The following ANKS1B variants were observed in gnomAD, a reference collection of about 807,000 sequenced individuals.
ANKS1B encodes ankyrin repeat and sterile alpha motif domain-containing protein 1B.
In ANKS1B, 36 loss-of-function variants were observed where a neutral mutation model predicts 148.3. That is an observed-to-expected ratio of 0.24 (90% CI 0.19 to 0.32). The LOEUF (loss-of-function observed/expected upper bound fraction) is 0.32. ANKS1B is among the 10% of genes least tolerant of loss of function. ANKS1B has a pLI of 1.00. For missense variants in ANKS1B, 1,157 were observed against 1,542.6 expected (o/e 0.75, Z 4.19); for synonymous variants, 542 against 560.8 (o/e 0.97, Z 0.47).
At position 99,482,403 on chromosome 12, in the gene ANKS1B, C is replaced by T. The variant is rs545911698; in HGVS notation, c.1438+22073G>A. ...TTTGTCTATGTGCCTACTTTTATAC[C>T]AGTATCATGCTGTTTTGGTAATTAT... On this transcript the variant is annotated intron_variant, in intron 10 of 26. Transcript: ENST00000683438. Among the ~76,000 whole-genome samples, 36 of 151,988 alleles carry T rather than the reference C, an allele frequency of 2.4e-4. No homozygotes were observed. In the South Asian group the frequency reaches 5.8e-3, roughly 25 times the overall value.
At chr12:98,928,315 A>G (rs1240887803) in intron 17 of ANKS1B, among the ~76,000 whole-genome samples, 1 of 151,724 alleles carries the variant, frequency 6.6e-6, no homozygotes, top group Non-Finnish European at 1.5e-5. Flanking sequence ...CCACAAAGAG[A>G]AGTCTAGGCC....
intron 12 of ANKS1B, among the ~76,000 whole-genome samples, chr12:99,317,190 T>C (rs1415510934): frequency 6.6e-6 from 1 of 152,232 alleles, no homozygotes; most frequent in Non-Finnish European, 1.5e-5. Context: ...AGTAGTTTTT[T>C]CCAATTCTGT....
intron 10 of ANKS1B, among the ~76,000 whole-genome samples, chr12:99,483,545 C>A (rs1212970767): frequency 6.6e-6 from 1 of 151,758 alleles, no homozygotes; most frequent in Non-Finnish European, 1.5e-5. Flanking sequence ...TCTTTCTTAA[C>A]CTTTTGGAAG....
chr12:99,189,826 G>T (rs1009427323), intron 14 of ANKS1B, among the ~76,000 whole-genome samples: 1 of 152,134 alleles, frequency 6.6e-6, no homozygotes, highest in Non-Finnish European at 1.5e-5. Flanking sequence ...ACATAGTATT[G>T]GAAGTTCTGG....
chr12:99,778,631 A>ATTTAAT (rs1039783437), intron 6 of ANKS1B, among the ~76,000 whole-genome samples: 1 of 152,096 alleles, frequency 6.6e-6, no homozygotes, highest in African/African-American at 2.4e-5. Flanking sequence ...CTTTTATTCA[A>ATTTAAT]TTTAATTTTA....
At chr12:99,234,075 A>G (rs1245353583) in intron 14 of ANKS1B, among the ~76,000 whole-genome samples, 5 of 152,150 alleles carry the variant, frequency 3.3e-5, no homozygotes, top group Admixed American at 6.6e-5. Flanking sequence ...AGCAACAAAC[A>G]TAAGTGTTCA....
chr12:99,192,323 T>G (rs1210336389), intron 14 of ANKS1B, among the ~76,000 whole-genome samples: 1 of 152,132 alleles, frequency 6.6e-6, no homozygotes, highest in African/African-American at 2.4e-5. Flanking sequence ...GTTCAATACT[T>G]TGAAATATTT....
chr12:98,800,946 C>T, intron 21 of ANKS1B, 51 bp downstream of exon 21: 1 of 1,570,830 alleles, frequency 6.4e-7, no homozygotes, highest in Non-Finnish European at 8.7e-7. Context: ...AAGCTGAAAA[C>T]ATACCCCCTA....
chr12:99,675,062 T>C (rs1461460939), intron 8 of ANKS1B, among the ~76,000 whole-genome samples: 2 of 151,966 alleles, frequency 1.3e-5, no homozygotes, highest in Non-Finnish European at 2.9e-5. Context: ...GGAGATAACA[T>C]GTTTTATCAA....
chr12:99,984,164 C>T lies in ANKS1B; in HGVS notation c.74G>A (p.Gly25Asp). 6.2e-7 allele frequency: 1 copy of T among 1,613,888 alleles called. No individual in the cohort carries two copies. ...NVALVEKLLS[G>D]RKGGILGGGS... The stretch of plus-strand genomic sequence containing the variant: ...ACCGCCCAGGATCCCTCCTTTCCTG[C>T]CAGACAGGAGTTTCTCCACCAGAGC... The change falls in exon 1 of 27, where the codon GGC (glycine) becomes GAC (aspartate). Residue 25 changes from glycine (G) to aspartate (D), a missense_variant. Coordinates refer to ENST00000683438, the MANE Select transcript of ANKS1B (RefSeq NM_001352186.2).
chr12:99,832,296 A>G (rs767340051), intron 1 of ANKS1B, among the ~76,000 whole-genome samples: 2 of 152,146 alleles, frequency 1.3e-5, no homozygotes, highest in Non-Finnish European at 2.9e-5. Flanking sequence ...TAATAGTATA[A>G]AAGAGAAAGG....
chr12:99,954,548 G>A (rs920707831), intron 1 of ANKS1B, among the ~76,000 whole-genome samples: 2 of 152,116 alleles, frequency 1.3e-5, no homozygotes, highest in Non-Finnish European at 2.9e-5. Context: ...GTTACTTTTG[G>A]TCCTGATTCC....
chr12:98,895,209 G>T, intron 17 of ANKS1B: 2 of 985,404 alleles, frequency 2.0e-6, no homozygotes, highest in Non-Finnish European at 2.4e-6. Flanking sequence ...GCCTAGCACT[G>T]GGGGTTGCCG....
At chr12:98,766,487 C>G (rs1039748310) in intron 25 of ANKS1B, among the ~76,000 whole-genome samples, 2 of 152,102 alleles carry the variant, frequency 1.3e-5, no homozygotes, top group Non-Finnish European at 2.9e-5. Flanking sequence ...GGAAAGTGTT[C>G]GAGTTCAATT....
chr12:99,863,708 C>T lies in ANKS1B; in HGVS notation c.135-38319G>A, dbSNP rs147958332. Among the ~76,000 whole-genome samples the T allele has an allele frequency of 4.0e-3, 605 of 149,764 alleles. 3 individuals are homozygous for T. The highest frequency in any genetic ancestry group is 0.013 in the African/African-American group (553 of 41,082). ...CCAGCCTGGGTGACAGAGCAAGACA[C>T]CGTCTCAAAAAAATAAAAAAAAAAA... On this transcript the variant is annotated intron_variant, in intron 1 of 26. Coordinates refer to ENST00000683438, the MANE Select transcript of ANKS1B (RefSeq NM_001352186.2).
intron 8 of ANKS1B, among the ~76,000 whole-genome samples, chr12:99,717,729 A>G (rs1450350358): frequency 1.3e-5 from 2 of 151,998 alleles, no homozygotes; most frequent in Admixed American, 6.6e-5. Flanking sequence ...AGTAACTCTC[A>G]CAGTGGAAGG....
intron 17 of ANKS1B, among the ~76,000 whole-genome samples, chr12:98,878,346 C>T (rs2099697054): frequency 6.6e-6 from 1 of 151,544 alleles, no homozygotes; most frequent in African/African-American, 2.4e-5. Flanking sequence ...TGCACTCCAG[C>T]CTGGGTGACA....
intron 15 of ANKS1B, among the ~76,000 whole-genome samples, chr12:99,126,963 T>A (rs145791941): frequency 1.5e-4 from 23 of 152,186 alleles, no homozygotes; most frequent in African/African-American, 5.3e-4. Context: ...AAGATTTGAG[T>A]CATGATGGAA....
At chr12:98,911,099 T>C (rs1045304257) in intron 17 of ANKS1B, among the ~76,000 whole-genome samples, 2 of 127,542 alleles carry the variant, frequency 1.6e-5, no homozygotes, top group African/African-American at 2.5e-5. Flanking sequence ...AATTCTGTGG[T>C]AGATTTTTTT....
Sources: gnomAD v4.1 joint callset for allele counts (sites outside exome capture counted in the v4.1 genomes callset) on GRCh38, gnomAD v4.1.1 for gene constraint, MANE v1.5 for transcripts, NCBI Gene and HGNC (gene_info 2026-07-23, HGNC 2026-07-21) for gene names.